The following RMP24 variants were observed in gnomAD, a reference collection of about 807,000 sequenced individuals.
RMP24 encodes the protein ribonuclease MRP subunit p24.
chr18:35,976,272 C>A, the RMP24 span, among the ~76,000 whole-genome samples: 1 of 150,908 alleles, frequency 6.6e-6, no homozygotes, highest in African/African-American at 2.4e-5. Context: ...GCCTCAGCCT[C>A]CTGAGTAGCT....
the RMP24 span, among the ~76,000 whole-genome samples, chr18:35,976,308 C>G: frequency 6.6e-6 from 1 of 151,908 alleles, no homozygotes. Flanking sequence ...CACCACCACG[C>G]CCGGCTGATT....
the RMP24 span, chr18:35,979,111 T>G: frequency 6.0e-6 from 7 of 1,168,514 alleles, no homozygotes; most frequent in African/African-American, 1.6e-5. Flanking sequence ...CAAACTTTTC[T>G]TGGCATCCTT....
At chr18:35,973,219 C>G in the RMP24 span, 1 of 511,722 alleles carries the variant, frequency 2.0e-6, no homozygotes, top group Non-Finnish European at 3.5e-6. Context: ...TCTCCCCAAG[C>G]TTTAAGTATT....
the RMP24 span, chr18:35,979,091 G>T: frequency 8.3e-6 from 11 of 1,317,802 alleles, no homozygotes; most frequent in Non-Finnish European, 1.1e-5. Flanking sequence ...ATGGAAACTA[G>T]ATCTGAATGC....
the RMP24 span, among the ~76,000 whole-genome samples, chr18:35,975,934 G>A: frequency 6.6e-6 from 1 of 152,098 alleles, no homozygotes; most frequent in African/African-American, 2.4e-5. Flanking sequence ...ATATTGAAGT[G>A]AGTATGGAAT....
the RMP24 span, among the ~76,000 whole-genome samples, chr18:35,976,272 C>T: frequency 6.6e-6 from 1 of 150,908 alleles, no homozygotes; most frequent in African/African-American, 2.4e-5. Flanking sequence ...GCCTCAGCCT[C>T]CTGAGTAGCT....
At chr18:35,975,080 C>G in the RMP24 span, 1 of 1,612,582 alleles carries the variant, frequency 6.2e-7, no homozygotes, top group African/African-American at 1.3e-5. Flanking sequence ...AGTTCAAAGA[C>G]TCCAAAAGTG....
chr18:35,972,974 C>A, the RMP24 span: 4 of 1,597,024 alleles, frequency 2.5e-6, 1 homozygote, highest in South Asian at 2.2e-5. Flanking sequence ...TTCCGCACAA[C>A]GCTCAAATAA....
At chr18:35,976,307 G>A in the RMP24 span, among the ~76,000 whole-genome samples, 4 of 151,726 alleles carry the variant, frequency 2.6e-5, no homozygotes, top group Non-Finnish European at 2.9e-5. Flanking sequence ...CCACCACCAC[G>A]CCCGGCTGAT....
At chr18:35,979,146 A>C in the RMP24 span, 26 of 788,238 alleles carry the variant, frequency 3.3e-5, no homozygotes, top group Non-Finnish European at 4.9e-5. Flanking sequence ...AAAATACCTC[A>C]TTAGTGTGAA....
At chr18:35,975,457 A>G in the RMP24 span, among the ~76,000 whole-genome samples, 1 of 152,110 alleles carries the variant, frequency 6.6e-6, no homozygotes, top group African/African-American at 2.4e-5. Context: ...AGATAGTACT[A>G]TGTTATGTAT....
chr18:35,973,088 T>G, the RMP24 span: 1 of 772,888 alleles, frequency 1.3e-6, no homozygotes, highest in South Asian at 1.6e-5. Context: ...TGTCTTGCTT[T>G]GTTAGCGGCA....
chr18:35,974,386 A>G, the RMP24 span, among the ~76,000 whole-genome samples: 6 of 152,230 alleles, frequency 3.9e-5, no homozygotes, highest in African/African-American at 1.4e-4. Context: ...CTTAGTGAAT[A>G]TGAATGAGTT....
chr18:35,976,077 C>G, the RMP24 span, among the ~76,000 whole-genome samples: 4 of 148,298 alleles, frequency 2.7e-5, no homozygotes, highest in African/African-American at 7.4e-5. Context: ...ATGAAGCTTA[C>G]ATTCTAATGT....
At chr18:35,978,992 G>A in the RMP24 span, 1 of 1,584,106 alleles carries the variant, frequency 6.3e-7, no homozygotes, top group Non-Finnish European at 8.5e-7. Flanking sequence ...TCTGAAGGGT[G>A]GACTTTTAAA....
chr18:35,974,156 T>C, the RMP24 span, among the ~76,000 whole-genome samples: 1 of 152,218 alleles, frequency 6.6e-6, no homozygotes, highest in Non-Finnish European at 1.5e-5. Flanking sequence ...TCCATTTCCC[T>C]CTGGTCTCTA....
the RMP24 span, chr18:35,973,213 C>T: frequency 3.8e-6 from 2 of 522,870 alleles, no homozygotes; most frequent in African/African-American, 1.9e-5. Context: ...TCCTAATCTC[C>T]CCAAGCTTTA....
the RMP24 span, chr18:35,977,670 T>C: frequency 2.0e-6 from 3 of 1,478,028 alleles, no homozygotes; most frequent in African/African-American, 2.8e-5. Context: ...GTGTTTAATA[T>C]ATACTCCCTA....
chr18:35,975,202 A>T, the RMP24 span: 163 of 871,362 alleles, frequency 1.9e-4, 1 homozygote, highest in Non-Finnish European at 2.7e-4. Context: ...TTATAGTAGT[A>T]TATTTGGATT....
Sources: allele counts gnomAD v4.1 joint callset (sites outside exome capture counted in the v4.1 genomes callset), GRCh38; gene constraint gnomAD v4.1.1; transcripts MANE v1.5; gene names NCBI Gene and HGNC (gene_info 2026-07-23, HGNC 2026-07-21).